RSRC1: variants seen among roughly 807,000 people sequenced by gnomAD.
RSRC1 encodes arginine and serine rich coiled-coil 1, also known as serine/Arginine-related protein 53.
In RSRC1, 39 loss-of-function variants were observed where a neutral mutation model predicts 49.1. That is an observed-to-expected ratio of 0.79 (90% CI 0.61 to 1.04). The LOEUF (loss-of-function observed/expected upper bound fraction) is 1.04. Ranked by LOEUF, RSRC1 falls within the 50% of genes least tolerant of loss-of-function variation. RSRC1 has a pLI of 0.00. For missense variants in RSRC1, 388 were observed against 402.4 expected, an observed-to-expected ratio of 0.96 and a Z score of 0.31; for synonymous variants, 143 against 130.8, an observed-to-expected ratio of 1.09 and a Z score of -0.63.
At chr3:158,150,244 G>C (rs1336244325) in intron 3 of RSRC1, among the ~76,000 whole-genome samples, 1 of 152,172 alleles carries the variant, frequency 6.6e-6, no homozygotes, top group Non-Finnish European at 1.5e-5. Context: ...AGACTTGCCA[G>C]TTATTTTAGA....
chr3:158,523,896 C>T (rs561525436), intron 7 of RSRC1, among the ~76,000 whole-genome samples: 1 of 152,150 alleles, frequency 6.6e-6, no homozygotes, highest in East Asian at 1.9e-4. Context: ...TTCTTTGGCC[C>T]TCCAGAAAGC....
rs1305688518 is a variant in RSRC1 at position 158,123,918 on chromosome 3, A to C, written c.247A>C (p.Ser83Arg). 1 of 1,612,952 alleles carries C rather than the reference A, an allele frequency of 6.2e-7. No individual in the cohort carries two copies. The highest frequency in any genetic ancestry group is 8.5e-7 in the Non-Finnish European group (1 of 1,179,348). Reference sequence around the variant, plus strand: ...TTCTTATGGCTCCAGAAGGAAACGAAGTCGAAGTCGTTCAAGGGGTCGAGG... The same window carrying C: ...TTCTTATGGCTCCAGAAGGAAACGACGTCGAAGTCGTTCAAGGGGTCGAGG... ...SSSYGSRRKR[S>R]RSRSRGRGKS... Residue 83 changes from serine to arginine, a missense_variant, in exon 3 of 10, where the codon AGT becomes CGT. Transcript: ENST00000611884.
intron 7 of RSRC1, among the ~76,000 whole-genome samples, chr3:158,482,818 T>A (rs1738668263): frequency 6.6e-6 from 1 of 152,046 alleles, no homozygotes; most frequent in African/African-American, 2.4e-5. Flanking sequence ...AGTTATGGTG[T>A]CCCTACATTA....
intron 4 of RSRC1, among the ~76,000 whole-genome samples, chr3:158,249,941 A>C (rs564659536): frequency 6.6e-6 from 1 of 152,200 alleles, no homozygotes; most frequent in South Asian, 2.1e-4. Flanking sequence ...GTACCCACTA[A>C]CCATCCTGAC....
intron 5 of RSRC1, among the ~76,000 whole-genome samples, chr3:158,306,843 TTTAAG>T (rs1727865064): frequency 6.6e-6 from 1 of 151,984 alleles, no homozygotes; most frequent in Non-Finnish European, 1.5e-5. Context: ...GACTCTACCT[TTTAAG>T]TAAATATTCA....
chr3:158,285,034 G>A (rs1313297060), intron 4 of RSRC1, among the ~76,000 whole-genome samples: 18 of 152,270 alleles, frequency 1.2e-4, no homozygotes, highest in Admixed American at 3.9e-4. Flanking sequence ...TAGGTCTGAC[G>A]TTTAAGTCTT....
intron 1 of RSRC1, among the ~76,000 whole-genome samples, chr3:158,115,368 C>G (rs910284655): frequency 1.3e-5 from 2 of 151,912 alleles, no homozygotes; most frequent in African/African-American, 4.8e-5. Flanking sequence ...TTGTGCCTTA[C>G]TCAGAGATGT....
chr3:158,514,130 G>A (rs2108478489), intron 7 of RSRC1, among the ~76,000 whole-genome samples: 1 of 152,198 alleles, frequency 6.6e-6, no homozygotes, highest in East Asian at 1.9e-4. Flanking sequence ...GTTCTGCTCT[G>A]ATTTTAGTTA....
At chr3:158,457,839 T>C (rs1367443942) in intron 6 of RSRC1, among the ~76,000 whole-genome samples, 4 of 151,606 alleles carry the variant, frequency 2.6e-5, no homozygotes, top group African/African-American at 9.7e-5. Flanking sequence ...GAAAATGCTA[T>C]GGGGGCAAAA....
intron 6 of RSRC1, among the ~76,000 whole-genome samples, chr3:158,414,633 G>A (rs970595662): frequency 6.6e-6 from 1 of 151,918 alleles, no homozygotes; most frequent in African/African-American, 2.4e-5. Context: ...TAGGAGAGAT[G>A]ATTACGTGAG....
chr3:158,127,810 G>T (rs1715732021), intron 3 of RSRC1, among the ~76,000 whole-genome samples: 1 of 118,402 alleles, frequency 8.4e-6, no homozygotes, highest in Non-Finnish European at 1.7e-5. Flanking sequence ...AAAAACAGCT[G>T]CCTTTCCTAG....
intron 3 of RSRC1, among the ~76,000 whole-genome samples, chr3:158,155,778 G>C (rs918040232): frequency 6.6e-6 from 1 of 151,956 alleles, no homozygotes; most frequent in African/African-American, 2.4e-5. Context: ...CTGAGCAGTA[G>C]GTCTCAACAG....
chr3:158,169,511 T>C (rs1718743884), intron 3 of RSRC1, among the ~76,000 whole-genome samples: 1 of 152,158 alleles, frequency 6.6e-6, no homozygotes, highest in Admixed American at 6.6e-5. Context: ...AAGCTCTTTC[T>C]ACTTTCCAAA....
intron 7 of RSRC1, among the ~76,000 whole-genome samples, chr3:158,522,221 C>T (rs1332168745): frequency 6.6e-6 from 1 of 152,030 alleles, no homozygotes; most frequent in African/African-American, 2.4e-5. Context: ...CCAAAATAAG[C>T]AGCAATAAAT....
At chr3:158,269,941 A>G (rs936599989) in intron 4 of RSRC1, among the ~76,000 whole-genome samples, 2 of 152,240 alleles carry the variant, frequency 1.3e-5, no homozygotes, top group Non-Finnish European at 2.9e-5. Context: ...ACTTCTTTTA[A>G]CTGAAGAAAT....
intron 4 of RSRC1, among the ~76,000 whole-genome samples, chr3:158,213,683 A>G (rs1484067625): frequency 3.3e-5 from 5 of 151,908 alleles, no homozygotes; most frequent in African/African-American, 1.2e-4. Context: ...GCCACCTGGA[A>G]ATAGATCATG....
At chr3:158,277,134 A>G (rs1374665056) in intron 4 of RSRC1, among the ~76,000 whole-genome samples, 3 of 151,902 alleles carry the variant, frequency 2.0e-5, no homozygotes, top group Non-Finnish European at 2.9e-5. Context: ...TCAAAGTATA[A>G]TAATAATTAT....
At chr3:158,239,346 A>C (rs1723432319) in intron 4 of RSRC1, among the ~76,000 whole-genome samples, 1 of 152,198 alleles carries the variant, frequency 6.6e-6, no homozygotes, top group Admixed American at 6.5e-5. Context: ...TTGACACCGC[A>C]ATTCCATTAC....
intron 1 of RSRC1, among the ~76,000 whole-genome samples, chr3:158,116,601 C>A (rs1361668195): frequency 1.3e-5 from 2 of 152,030 alleles, no homozygotes; most frequent in East Asian, 3.9e-4. Flanking sequence ...TTTGGTGCCT[C>A]TGCCTTGATT....
Sources: allele counts gnomAD v4.1 joint callset (sites outside exome capture counted in the v4.1 genomes callset), GRCh38; gene constraint gnomAD v4.1.1; transcripts MANE v1.5; gene names NCBI Gene and HGNC (gene_info 2026-07-23, HGNC 2026-07-21).